The following STARD13 variants were observed in gnomAD, a reference collection of about 807,000 sequenced individuals.
STARD13 encodes StAR related lipid transfer domain containing 13.
Under a neutral mutation model 106.4 loss-of-function variants are expected in STARD13, and 62 were observed. The ratio of observed to expected loss-of-function variants is 0.58; its 90% confidence interval spans 0.48 to 0.72. The LOEUF (loss-of-function observed/expected upper bound fraction) is 0.72, where lower values mean the gene tolerates loss of function less well. Among genes scored for constraint, STARD13 ranks in the 30% least tolerant of loss-of-function variants. STARD13 has a pLI of 0.00. For missense variants in STARD13, 1,387 were observed against 1,424.0 expected (o/e 0.97, Z 0.42); for synonymous variants, 565 against 553.0 (o/e 1.02, Z -0.31).
intron 1 of STARD13, among the ~76,000 whole-genome samples, chr13:33,209,809 C>CA (rs1041913662): frequency 1.2e-4 from 18 of 151,478 alleles, no homozygotes; most frequent in African/African-American, 1.2e-4. Flanking sequence ...TGTCTCCACA[C>CA]AAAAAAAATA....
the STARD13 span, among the ~76,000 whole-genome samples, chr13:33,603,381 C>T: frequency 1.3e-5 from 2 of 152,152 alleles, no homozygotes; most frequent in Non-Finnish European, 2.9e-5. Context: ...TAAACCAAGC[C>T]CCTGGTGTTT....
chr13:33,147,182 C>T (rs905230847), intron 3 of STARD13, among the ~76,000 whole-genome samples: 1 of 152,020 alleles, frequency 6.6e-6, no homozygotes, highest in Non-Finnish European at 1.5e-5. Context: ...AAGATGCTAA[C>T]CAAAAAGCTT....
chr13:33,349,793 C>T (rs553859598), intron 1 of STARD13, among the ~76,000 whole-genome samples: 60 of 152,342 alleles, frequency 3.9e-4, no homozygotes, highest in African/African-American at 1.3e-3. Flanking sequence ...CCCTCTACCC[C>T]CGAGTGGCTG....
At chr13:33,670,600 A>T in the STARD13 span, among the ~76,000 whole-genome samples, 1 of 152,154 alleles carries the variant, frequency 6.6e-6, no homozygotes, top group East Asian at 1.9e-4. Flanking sequence ...TTTTGTTTTG[A>T]TGCTGTCGTC....
the STARD13 span, among the ~76,000 whole-genome samples, chr13:33,535,858 C>G: frequency 6.6e-6 from 1 of 152,112 alleles, no homozygotes; most frequent in African/African-American, 2.4e-5. Context: ...TTTACTGATT[C>G]CATCTAAGCA....
the STARD13 span, among the ~76,000 whole-genome samples, chr13:33,488,066 G>A: frequency 6.6e-6 from 1 of 152,096 alleles, no homozygotes; most frequent in Non-Finnish European, 1.5e-5. Context: ...TCTTGTTTGT[G>A]TGTCTCTGGT....
chr13:33,650,357 A>AT, the STARD13 span, among the ~76,000 whole-genome samples: 3 of 149,254 alleles, frequency 2.0e-5, no homozygotes, highest in African/African-American at 7.4e-5. Context: ...CGCCCGGCTA[A>AT]TTTTTTGTAT....
chr13:33,333,082 A>C (rs953446065), intron 1 of STARD13, among the ~76,000 whole-genome samples: 5 of 152,284 alleles, frequency 3.3e-5, no homozygotes, highest in Non-Finnish European at 7.4e-5. Context: ...CAGATGACAA[A>C]CATATTTTTA....
At chr13:33,645,916 A>T in the STARD13 span, among the ~76,000 whole-genome samples, 2 of 152,290 alleles carry the variant, frequency 1.3e-5, no homozygotes, top group East Asian at 3.9e-4. Flanking sequence ...TTTCCTTCTG[A>T]CAACTATTGC....
the STARD13 span, among the ~76,000 whole-genome samples, chr13:33,484,782 G>A: frequency 6.6e-6 from 1 of 152,208 alleles, no homozygotes; most frequent in Non-Finnish European, 1.5e-5. Flanking sequence ...TTGCTCAGGT[G>A]ATTATGTAGT....
the STARD13 span, among the ~76,000 whole-genome samples, chr13:33,465,454 G>T: frequency 6.6e-6 from 1 of 151,916 alleles, no homozygotes; most frequent in Non-Finnish European, 1.5e-5. Context: ...CACCTGCCTC[G>T]GCCTCCCAAA....
At chr13:33,444,679 G>A in the STARD13 span, among the ~76,000 whole-genome samples, 1 of 152,074 alleles carries the variant, frequency 6.6e-6, no homozygotes, top group Non-Finnish European at 1.5e-5. Context: ...GAGGCAGGAG[G>A]ATCACTTGAA....
At chr13:33,437,823 C>T in the STARD13 span, among the ~76,000 whole-genome samples, 1 of 152,098 alleles carries the variant, frequency 6.6e-6, no homozygotes, top group African/African-American at 2.4e-5. Flanking sequence ...ATGTGAAAAT[C>T]GATTTGACTG....
chr13:33,520,624 G>T, the STARD13 span, among the ~76,000 whole-genome samples: 1 of 152,044 alleles, frequency 6.6e-6, no homozygotes, highest in African/African-American at 2.4e-5. Context: ...GGTGGTCAAA[G>T]TCATTCTGCC....
chr13:33,109,785 G>T (rs1593849738), intron 12 of STARD13, 88 bp downstream of exon 12: 2 of 1,272,200 alleles, frequency 1.6e-6, no homozygotes, highest in East Asian at 2.4e-5. Flanking sequence ...GCTGGACTTT[G>T]GTGGGAGACA....
chr13:33,292,873 C>T (rs1216292191), intron 1 of STARD13, among the ~76,000 whole-genome samples: 1 of 152,064 alleles, frequency 6.6e-6, no homozygotes, highest in East Asian at 1.9e-4. Context: ...CTAGAGTTTT[C>T]CATTGCACCG....
chr13:33,227,449 T>A (rs567719479), intron 1 of STARD13, among the ~76,000 whole-genome samples: 1 of 152,176 alleles, frequency 6.6e-6, no homozygotes, highest in East Asian at 1.9e-4. Context: ...CCTCTACAAA[T>A]AGTGAAGCTA....
intron 1 of STARD13, among the ~76,000 whole-genome samples, chr13:33,311,097 C>T (rs958803470): frequency 5.4e-4 from 81 of 150,912 alleles, no homozygotes; most frequent in Non-Finnish European, 3.1e-4. Flanking sequence ...AGTTTGAGAC[C>T]CACCTGGGCA....
chr13:33,369,597 C>A, the STARD13 span, among the ~76,000 whole-genome samples: 1 of 152,178 alleles, frequency 6.6e-6, no homozygotes, highest in Non-Finnish European at 1.5e-5. Context: ...ACATATTTTT[C>A]TTCTAATCAA....
Sources: allele counts gnomAD v4.1 joint callset (sites outside exome capture counted in the v4.1 genomes callset), GRCh38; gene constraint gnomAD v4.1.1; transcripts MANE v1.5; gene names NCBI Gene and HGNC (gene_info 2026-07-23, HGNC 2026-07-21).